Variants in NDFIP2 observed in about 807,000 individuals in gnomAD.
NDFIP2 encodes the protein NEDD4 family-interacting protein 2.
Under a neutral mutation model 36.0 loss-of-function variants are expected in NDFIP2, and 19 were observed. That is an observed-to-expected ratio of 0.53 (90% CI 0.37 to 0.77). The LOEUF (loss-of-function observed/expected upper bound fraction) is 0.77. Ranked by LOEUF, NDFIP2 falls within the 30% of genes least tolerant of loss-of-function variation. NDFIP2 has a pLI of 0.00. For synonymous variants in NDFIP2, 181 were observed against 167.7 expected, an observed-to-expected ratio of 1.08 and a Z score of -0.61; for missense variants, 446 against 435.8, an observed-to-expected ratio of 1.02 and a Z score of -0.21.
intron 1 of NDFIP2, among the ~76,000 whole-genome samples, chr13:79,513,178 A>G (rs924032334): frequency 1.3e-5 from 2 of 152,154 alleles, no homozygotes; most frequent in African/African-American, 4.8e-5. Context: ...TATCCTGATT[A>G]ATGTAGTTGG....
chr13:79,555,223 A>G lies in NDFIP2; in HGVS notation c.*2710A>G, dbSNP rs892447381. 6.7e-5 allele frequency: 10 copies of G among 148,808 alleles called. No homozygotes were observed. The highest frequency in any genetic ancestry group is 1.2e-4 in the Non-Finnish European group (8 of 67,200). 9.2% of individuals were successfully genotyped at this position (148,808 alleles called of 1,614,324 possible). A position where few individuals can be genotyped will look rare whatever the true frequency, so the allele number is the denominator to read the frequency against. Reference sequence around the variant, plus strand: ...TTGGAGAAAAATTCAGAGTTCCTTCATTAAATATAATTTTTTTCATCTAGT... The same window carrying G: ...TTGGAGAAAAATTCAGAGTTCCTTCGTTAAATATAATTTTTTTCATCTAGT... On this transcript the variant is annotated 3_prime_UTR_variant, in exon 8 of 8. Coordinates refer to ENST00000218652, the MANE Select transcript of NDFIP2 (RefSeq NM_019080.3).
At chr13:79,519,680 A>G (rs565425250) in intron 1 of NDFIP2, among the ~76,000 whole-genome samples, 2 of 152,354 alleles carry the variant, frequency 1.3e-5, no homozygotes, top group East Asian at 3.9e-4. Context: ...GTAATTCAAG[A>G]TCTCAACATT....
chr13:79,485,487 C>T (rs1032867408), intron 1 of NDFIP2, among the ~76,000 whole-genome samples: 1 of 152,128 alleles, frequency 6.6e-6, no homozygotes, highest in Non-Finnish European at 1.5e-5. Context: ...TTTCATTTTC[C>T]ACTGGAAAGA....
At chr13:79,535,531 T>C (rs530271239) in intron 3 of NDFIP2, among the ~76,000 whole-genome samples, 2 of 152,304 alleles carry the variant, frequency 1.3e-5, no homozygotes, top group East Asian at 3.9e-4. Flanking sequence ...GCTTCTGATA[T>C]CATTGTAACC....
At chr13:79,501,530 A>G (rs867776987) in intron 1 of NDFIP2, among the ~76,000 whole-genome samples, 23 of 152,212 alleles carry the variant, frequency 1.5e-4, no homozygotes, top group Middle Eastern at 3.4e-3. Flanking sequence ...CATGATTGCT[A>G]ACTTTGAGAG....
chr13:79,543,734 A>C, intron 5 of NDFIP2, 52 bp downstream of exon 5: 2 of 1,591,340 alleles, frequency 1.3e-6, no homozygotes, highest in South Asian at 1.2e-5. Flanking sequence ...GAGATGTATG[A>C]AATTTTCTGT....
At chr13:79,504,557 T>TA (rs1166621253) in intron 1 of NDFIP2, among the ~76,000 whole-genome samples, 1 of 152,136 alleles carries the variant, frequency 6.6e-6, no homozygotes, top group Admixed American at 6.6e-5. Context: ...AACATTTTTA[T>TA]AAAAAATTGA....
At chr13:79,485,949 A>C (rs1203208897) in intron 1 of NDFIP2, among the ~76,000 whole-genome samples, 2 of 152,198 alleles carry the variant, frequency 1.3e-5, no homozygotes, top group East Asian at 3.8e-4. Context: ...ATATTTGTAG[A>C]ATATAGGTTG....
At chr13:79,519,411 T>C (rs1228667227) in intron 1 of NDFIP2, among the ~76,000 whole-genome samples, 1 of 152,238 alleles carries the variant, frequency 6.6e-6, no homozygotes, top group African/African-American at 2.4e-5. Context: ...ATTGATGCCT[T>C]TGACTCATCT....
At chr13:79,493,703 C>T (rs1004168071) in intron 1 of NDFIP2, among the ~76,000 whole-genome samples, 1 of 152,076 alleles carries the variant, frequency 6.6e-6, no homozygotes, top group Non-Finnish European at 1.5e-5. Flanking sequence ...GGAAATAAAA[C>T]CTTTATGATA....
At chr13:79,535,577 G>A (rs1275196421) in intron 3 of NDFIP2, among the ~76,000 whole-genome samples, 1 of 152,142 alleles carries the variant, frequency 6.6e-6, no homozygotes, top group Non-Finnish European at 1.5e-5. Flanking sequence ...TTCATAGACA[G>A]CAAAGTATTA....
In NDFIP2 at chr13:79,520,887, G is replaced by A; in HGVS notation, c.399G>A (p.Val133=). 1 of 1,613,824 alleles carries A rather than the reference G, an allele frequency of 6.2e-7. No individual in the cohort carries two copies. Residue 133 remains valine, a synonymous_variant, in exon 2 of 8, where the codon GTG becomes GTA. Coordinates refer to ENST00000218652, the MANE Select transcript of NDFIP2 (RefSeq NM_019080.3). ...CTTCAAACCCAGCACCGCAGATTGT[G>A]CAGGCTGCGTCTTCAGCACCAGCAC... is the stretch of plus-strand genomic sequence containing the variant. The part of the protein sequence containing the change: ...PPTSNPAPQI[V]QAASSAPALE...
At position 79,555,978 on chromosome 13, in the gene NDFIP2, G is replaced by A. The variant is rs918072918; in HGVS notation, c.*3465G>A. On this transcript the variant is annotated 3_prime_UTR_variant, in exon 8 of 8. Coordinates refer to ENST00000218652, the MANE Select transcript of NDFIP2 (RefSeq NM_019080.3). ...ATGAAAACAACACTTGTGAAATTAG[G>A]TTGGGGTTGCAACATCTTTTAACTT... The A allele has an allele frequency of 6.6e-6, 1 of 152,116 alleles. No homozygotes were observed. Among genetic ancestry groups the A allele is most frequent in the Non-Finnish European group, 1.5e-5 (1 of 67,992 alleles). The allele number at this position is 152,116 out of a possible 1,614,324, so 9.4% of individuals were successfully genotyped here. A position where few individuals can be genotyped will look rare whatever the true frequency, so the allele number is the denominator to read the frequency against.
chr13:79,542,809 G>A (rs548769750), intron 4 of NDFIP2, among the ~76,000 whole-genome samples: 17 of 151,740 alleles, frequency 1.1e-4, no homozygotes, highest in African/African-American at 4.1e-4. Context: ...TCTAAGAATT[G>A]TAATTACAGC....
rs1235035651 is a variant in NDFIP2 at position 79,507,359 on chromosome 13, C to T, written c.322-13451C>T. On this transcript the variant is annotated intron_variant, in intron 1 of 7. Coordinates refer to ENST00000218652, the MANE Select transcript of NDFIP2 (RefSeq NM_019080.3). ...CGGGATCTCGGCTCACTGCAAGCTC[C>T]GCCTCCCGGGTTCACGCCATTCTCC... 1.1e-4 allele frequency among the ~76,000 whole-genome samples: 2 copies of T among 18,926 alleles called. 1 individual carries two copies. Among genetic ancestry groups the T allele is most frequent in the Non-Finnish European group, 1.5e-4 (2 of 12,950 alleles). The allele number at this position is 18,926 out of a possible 152,430, so 12.4% of individuals were successfully genotyped here.
At chr13:79,529,981 A>T (rs1054010234) in intron 2 of NDFIP2, among the ~76,000 whole-genome samples, 8 of 152,182 alleles carry the variant, frequency 5.3e-5, no homozygotes, top group Admixed American at 5.2e-4. Context: ...CATTATGTTT[A>T]AAAAATGTAC....
chr13:79,544,980 A>G (rs942626747), intron 5 of NDFIP2, among the ~76,000 whole-genome samples: 5 of 152,184 alleles, frequency 3.3e-5, no homozygotes, highest in African/African-American at 7.2e-5. Context: ...ATTGCAAAAG[A>G]TGTACAGTGG....
intron 7 of NDFIP2, among the ~76,000 whole-genome samples, chr13:79,551,865 A>G (rs1002837998): frequency 1.9e-4 from 29 of 151,352 alleles, no homozygotes; most frequent in African/African-American, 6.8e-4. Flanking sequence ...CTTTATACCT[A>G]TAAATAAGGT....
chr13:79,553,651 T>C lies in NDFIP2; in HGVS notation c.*1138T>C, dbSNP rs1875990520. 6.6e-6 allele frequency: 1 copy of C among 152,152 alleles called. No homozygotes were observed. The highest frequency in any genetic ancestry group is 2.4e-5 in the African/African-American group (1 of 41,536). 9.4% of individuals were successfully genotyped at this position (152,152 alleles called of 1,614,324 possible). A position where few individuals can be genotyped will look rare whatever the true frequency, so the allele number is the denominator to read the frequency against. ...AAAAAACATATCCTGAACTGAGATA[T>C]GCAAAATACTCATTTTCAAGTTATG... is the stretch of plus-strand genomic sequence containing the variant. On this transcript the variant is annotated 3_prime_UTR_variant, in exon 8 of 8. Coordinates refer to ENST00000218652, the MANE Select transcript of NDFIP2 (RefSeq NM_019080.3).
Sources: allele counts gnomAD v4.1 joint callset (sites outside exome capture counted in the v4.1 genomes callset), GRCh38; gene constraint gnomAD v4.1.1; transcripts MANE v1.5; gene names NCBI Gene and HGNC (gene_info 2026-07-23, HGNC 2026-07-21).